TOM1: variants seen among roughly 807,000 people sequenced by gnomAD.
The protein encoded by TOM1 is target of Myb protein 1.
Under a neutral mutation model 61.3 loss-of-function variants are expected in TOM1, and 38 were observed. The observed-to-expected ratio is 0.62, with a 90% CI of 0.48 to 0.81. The LOEUF is 0.81. Among genes scored for constraint, TOM1 ranks in the 40% least tolerant of loss-of-function variants. The probability of loss-of-function intolerance (pLI) is 0.00; values close to 1 mark genes in which losing one functional copy is unlikely to be tolerated. For missense variants in TOM1, 591 were observed against 659.6 expected (o/e 0.90, Z 1.14); for synonymous variants, 270 against 268.8 (o/e 1.00, Z -0.04).
chr22:35,343,780 C>CCT (rs1930237950), intron 12 of TOM1, among the ~76,000 whole-genome samples: 1 of 150,506 alleles, frequency 6.6e-6, no homozygotes, highest in Non-Finnish European at 1.5e-5. Context: ...CACACCTACA[C>CCT]ACACCACACA....
At chr22:35,321,844 A>T in intron 2 of TOM1, 115 bp from the exon 3 acceptor site, 1 of 896,158 alleles carries the variant, frequency 1.1e-6, no homozygotes, top group Non-Finnish European at 1.9e-6. Flanking sequence ...GATACACAAA[A>T]CAGGTGGGGC....
chr22:35,332,989 G>A lies in TOM1; in HGVS notation c.908G>A (p.Arg303Gln), dbSNP rs780156731. The change falls in exon 9 of 15, where the codon CGG (arginine) becomes CAG (glutamine). Residue 303 changes from arginine to glutamine, a missense_variant. Physicochemically the swap from Arg to Gln is conservative, Grantham distance 43. Coordinates refer to ENST00000449058, the MANE Select transcript of TOM1 (RefSeq NM_005488.3). ...TCTTTTCTGTCTTGTAGGTTTGAAC[G>A]GTTCCGAACAGGCCAGACCACCAAG... ...NVFLRHERFE[R>Q]FRTGQTTKAP... 74 of 1,614,032 alleles carry A rather than the reference G, an allele frequency of 4.6e-5. 1 individual carries two copies. The highest frequency in any genetic ancestry group is 3.7e-4 in the South Asian group (34 of 91,090).
chr22:35,339,292 C>A (rs1199089267), intron 12 of TOM1, among the ~76,000 whole-genome samples: 2 of 152,054 alleles, frequency 1.3e-5, no homozygotes, highest in African/African-American at 4.8e-5. Context: ...GATTGTGCTA[C>A]TGCACTCCAG....
chr22:35,307,067 T>A (rs1014466012), intron 1 of TOM1, among the ~76,000 whole-genome samples: 5 of 152,038 alleles, frequency 3.3e-5, no homozygotes, highest in African/African-American at 1.2e-4. Context: ...TGTCTCCTAA[T>A]TAGCTTGAGG....
At chr22:35,317,784 TCCGGC>T in intron 1 of TOM1, 88 bp from the exon 2 acceptor site, 2 of 891,348 alleles carry the variant, frequency 2.2e-6, no homozygotes, top group East Asian at 4.9e-5. Flanking sequence ...CCCCATCTCA[TCCGGC>T]CCTGCACCCC....
chr22:35,302,716 G>GT (rs1296192833), intron 1 of TOM1, among the ~76,000 whole-genome samples: 1 of 152,104 alleles, frequency 6.6e-6, no homozygotes, highest in East Asian at 1.9e-4. Flanking sequence ...GGAGACTAAG[G>GT]TCCAGAGAGG....
intron 1 of TOM1, among the ~76,000 whole-genome samples, chr22:35,302,918 CACAGTAT>C (rs1247870897): frequency 6.6e-6 from 1 of 152,178 alleles, no homozygotes; most frequent in Non-Finnish European, 1.5e-5. Flanking sequence ...TTACTGATGA[CACAGTAT>C]AGCTGCTTAT....
intron 6 of TOM1, 112 bp from the exon 7 acceptor site, chr22:35,327,159 G>A (rs1928393613): frequency 1.0e-6 from 1 of 991,922 alleles, no homozygotes; most frequent in Non-Finnish European, 1.6e-6. Context: ...GCTGCTGGGA[G>A]GTCGGCTCCC....
intron 1 of TOM1, among the ~76,000 whole-genome samples, chr22:35,309,559 G>A (rs894275652): frequency 2.6e-5 from 4 of 150,990 alleles, no homozygotes; most frequent in Admixed American, 1.3e-4. Context: ...CAGGAGAATC[G>A]CTTGAACCGG....
chr22:35,329,445 A>G (rs1186291181), intron 7 of TOM1, among the ~76,000 whole-genome samples: 1 of 152,238 alleles, frequency 6.6e-6, no homozygotes, highest in Admixed American at 6.5e-5. Flanking sequence ...GTAGTTTACC[A>G]GTTTTGACAA....
intron 10 of TOM1, 52 bp downstream of exon 10, chr22:35,333,549 C>T: frequency 1.3e-6 from 2 of 1,552,214 alleles, no homozygotes; most frequent in Non-Finnish European, 1.8e-6. Flanking sequence ...GTACTGTGGG[C>T]ACCCCTGCAG....
chr22:35,315,936 C>T (rs1434212684), intron 1 of TOM1, among the ~76,000 whole-genome samples: 1 of 152,200 alleles, frequency 6.6e-6, no homozygotes, highest in African/African-American at 2.4e-5. Context: ...TTACAAATAG[C>T]CGTGTAGCAA....
chr22:35,302,358 TGCG>T (rs1569014941), intron 1 of TOM1, among the ~76,000 whole-genome samples: 51 of 129,084 alleles, frequency 4.0e-4, no homozygotes, highest in South Asian at 5.4e-4. Context: ...TTTTTGAGAC[TGCG>T]TTTCGCTCTT....
At position 35,323,533 on chromosome 22, in the gene TOM1, C is replaced by G. The variant is rs569888560; in HGVS notation, c.404C>G (p.Thr135Arg). ...GCGTTCCGCAGCTCGCCCGATCTGA[C>G]AGGTGTGGTCACCATCTATGAGGAC... ...ADAFRSSPDL[T>R]GVVTIYEDLR... is the part of the protein sequence containing the mutation. The change falls in exon 5 of 15, where the codon ACA (threonine) becomes AGA (arginine). Residue 135 changes from threonine to arginine, a missense_variant. Coordinates refer to ENST00000449058, the MANE Select transcript of TOM1 (RefSeq NM_005488.3). The surrounding 1 kb of genome is among the most constrained non-coding windows in gnomAD (Gnocchi z 4.2). 6.2e-7 allele frequency: 1 copy of G among 1,614,210 alleles called. No homozygotes were observed. Among genetic ancestry groups the G allele is most frequent in the Admixed American group, 1.7e-5 (1 of 60,026 alleles).
At chr22:35,311,332 A>T (rs573772789) in intron 1 of TOM1, among the ~76,000 whole-genome samples, 7 of 152,368 alleles carry the variant, frequency 4.6e-5, no homozygotes, top group Admixed American at 1.3e-4. Flanking sequence ...AAACGCAACC[A>T]GCAGAGTCTG....
At position 35,334,364 on chromosome 22, in the gene TOM1, C is replaced by T; in HGVS notation, c.1064C>T (p.Ser355Phe). The change falls in exon 11 of 15, where the codon TCT becomes TTT. Residue 355 changes from serine to phenylalanine, a missense_variant. Ser to Phe is a radical substitution (Grantham distance 155, BLOSUM62 -2). Coordinates refer to ENST00000449058, the MANE Select transcript of TOM1 (RefSeq NM_005488.3). ...GSSSVRAGLQ[S>F]LEASGRLEDE... ...AGCAGTGTGAGAGCTGGCCTGCAGT[C>T]TCTGGAGGCCTCTGGTCGACTGGAA... 1 of 1,614,076 alleles carries T rather than the reference C, an allele frequency of 6.2e-7. No homozygotes were observed. The highest frequency in any genetic ancestry group is 8.5e-7 in the Non-Finnish European group (1 of 1,179,948).
At chr22:35,324,411 T>TG (rs1491470882) in intron 6 of TOM1, among the ~76,000 whole-genome samples, 1 of 68,884 alleles carries the variant, frequency 1.5e-5, no homozygotes, top group Non-Finnish European at 2.3e-5. Flanking sequence ...GAGACCTGTT[T>TG]CAAAAAAAAA....
intron 10 of TOM1, 95 bp downstream of exon 10, chr22:35,333,592 C>A: frequency 1.8e-6 from 2 of 1,105,012 alleles, no homozygotes; most frequent in Non-Finnish European, 2.7e-6. Flanking sequence ...ATACCCACAG[C>A]AGAGTGTCAG....
At chr22:35,310,092 A>G (rs1261815638) in intron 1 of TOM1, among the ~76,000 whole-genome samples, 1 of 152,236 alleles carries the variant, frequency 6.6e-6, no homozygotes, top group African/African-American at 2.4e-5. Context: ...GGACAGGTAA[A>G]TGTGGCGTGT....
Sources: allele counts gnomAD v4.1 joint callset (sites outside exome capture counted in the v4.1 genomes callset), GRCh38; gene constraint gnomAD v4.1.1; non-coding constraint Gnocchi (gnomAD v3.1); transcripts MANE v1.5; gene names NCBI Gene and HGNC (gene_info 2026-07-23, HGNC 2026-07-21).